The following KLF12 variants were observed in gnomAD, a reference collection of about 807,000 sequenced individuals.
KLF12 encodes Krueppel-like factor 12.
A neutral mutation model predicts 37.8 loss-of-function variants in KLF12; 9 were observed. That is an observed-to-expected ratio of 0.24 (90% CI 0.14 to 0.42). The LOEUF is 0.42. Among genes scored for constraint, KLF12 ranks in the 10% least tolerant of loss-of-function variants. KLF12 has a pLI of 1.00. For synonymous variants in KLF12, 208 were observed against 202.1 expected (o/e 1.03, Z -0.25); for missense variants, 411 against 516.0 (o/e 0.80, Z 1.97).
At chr13:73,780,730 G>A (rs1335231920) in intron 5 of KLF12, among the ~76,000 whole-genome samples, 1 of 152,222 alleles carries the variant, frequency 6.6e-6, no homozygotes, top group Non-Finnish European at 1.5e-5. Flanking sequence ...CCAAAGTGCT[G>A]GGATTACAGG....
chr13:74,118,356 T>C (rs1400001251), intron 1 of KLF12, among the ~76,000 whole-genome samples: 3 of 152,250 alleles, frequency 2.0e-5, no homozygotes, highest in Non-Finnish European at 4.4e-5. Context: ...GTCAACCTTC[T>C]TTAAATAAAA....
intron 7 of KLF12, among the ~76,000 whole-genome samples, chr13:73,713,283 T>C (rs1396859768): frequency 6.6e-6 from 1 of 152,110 alleles, no homozygotes; most frequent in African/African-American, 2.4e-5. Flanking sequence ...CTACTGGACA[T>C]TGTAAGAGAG....
At chr13:74,120,866 C>A (rs911807686) in intron 1 of KLF12, among the ~76,000 whole-genome samples, 1 of 151,230 alleles carries the variant, frequency 6.6e-6, no homozygotes, top group Non-Finnish European at 1.5e-5. Context: ...ACTAAAAATA[C>A]AAAACAAACA....
Position 73,732,752 on chromosome 13 carries a change from T to C in KLF12, c.870-17227A>G, listed in dbSNP as rs75976688. Among the ~76,000 whole-genome samples, 161 of 152,212 alleles carry C rather than the reference T, an allele frequency of 1.1e-3. 1 individual carries two copies. The East Asian group carries it at 0.03, about 28-fold the overall frequency. On this transcript the variant is annotated intron_variant, in intron 6 of 7. Transcript: ENST00000377669. ...CCTTTTTGTATGTCACTCAAATCTATTTCAAACTCTCCCTTCCCTGAGCTC... is the reference window on the plus strand; with the variant it reads ...CCTTTTTGTATGTCACTCAAATCTACTTCAAACTCTCCCTTCCCTGAGCTC...
At chr13:74,215,427 C>CTTTTTTTTTTTT in the KLF12 span, among the ~76,000 whole-genome samples, 2 of 60,382 alleles carry the variant, frequency 3.3e-5, no homozygotes, top group Non-Finnish European at 3.4e-5. Flanking sequence ...CCTCTGGGTT[C>CTTTTTTTTTTTT]TTTTTTTTTT....
At chr13:73,860,513 T>C (rs1470131967) in intron 3 of KLF12, among the ~76,000 whole-genome samples, 1 of 151,920 alleles carries the variant, frequency 6.6e-6, no homozygotes, top group African/African-American at 2.4e-5. Context: ...GACCGAAGGG[T>C]TGCTCGAGCT....
At chr13:74,101,083 A>G (rs1876316435) in intron 1 of KLF12, among the ~76,000 whole-genome samples, 1 of 152,128 alleles carries the variant, frequency 6.6e-6, no homozygotes, top group Non-Finnish European at 1.5e-5. Context: ...ATCTGCATAT[A>G]AGACAACTTT....
At chr13:73,987,411 ATT>A (rs1467352154) in intron 2 of KLF12, among the ~76,000 whole-genome samples, 1 of 152,140 alleles carries the variant, frequency 6.6e-6, no homozygotes, top group Non-Finnish European at 1.5e-5. Context: ...AAGTAAAAAA[ATT>A]TTAACTAAAA....
At chr13:73,909,314 A>G (rs943865927) in intron 3 of KLF12, among the ~76,000 whole-genome samples, 11 of 152,210 alleles carry the variant, frequency 7.2e-5, no homozygotes, top group African/African-American at 2.7e-4. Context: ...TGACTAGTTA[A>G]TAAGTTTTTG....
intron 1 of KLF12, among the ~76,000 whole-genome samples, chr13:74,055,904 G>A (rs1873219812): frequency 6.6e-6 from 1 of 152,160 alleles, no homozygotes; most frequent in Non-Finnish European, 1.5e-5. Context: ...ACAACCCCAA[G>A]AACAGTGGTA....
intron 6 of KLF12, among the ~76,000 whole-genome samples, chr13:73,750,948 C>A (rs183058230): frequency 5.9e-5 from 9 of 152,086 alleles, no homozygotes; most frequent in Non-Finnish European, 1.3e-4. Flanking sequence ...GGGCCTCATA[C>A]GTAGTGTTAA....
chr13:74,216,423 G>A, the KLF12 span, among the ~76,000 whole-genome samples: 17 of 152,244 alleles, frequency 1.1e-4, no homozygotes, highest in African/African-American at 3.8e-4. Flanking sequence ...GGTACAATAA[G>A]AGGAAGGAGA....
the KLF12 span, among the ~76,000 whole-genome samples, chr13:74,248,099 G>A: frequency 6.6e-6 from 1 of 152,172 alleles, no homozygotes; most frequent in Non-Finnish European, 1.5e-5. Flanking sequence ...ATATTGGGGA[G>A]GAGAGCTGGT....
chr13:73,806,774 T>C (rs982856239), intron 5 of KLF12, among the ~76,000 whole-genome samples: 2 of 151,782 alleles, frequency 1.3e-5, no homozygotes, highest in Non-Finnish European at 2.9e-5. Context: ...TAAATGAAAA[T>C]TACATGAGTT....
chr13:73,871,544 T>A (rs1186397958), intron 3 of KLF12, among the ~76,000 whole-genome samples: 1 of 152,152 alleles, frequency 6.6e-6, no homozygotes, highest in Non-Finnish European at 1.5e-5. Context: ...CTGAACACAG[T>A]ACAAACGGAG....
rs565476063 is a variant in KLF12 at position 73,992,526 on chromosome 13, T to C, written c.33+2464A>G. Among the ~76,000 whole-genome samples, 8 of 152,330 alleles carry C rather than the reference T, an allele frequency of 5.3e-5. No individual in the cohort carries two copies. In the East Asian group the frequency reaches 1.5e-3, roughly 29 times the overall value. On this transcript the variant is annotated intron_variant, in intron 2 of 7. Transcript: ENST00000377669. Reference sequence around the variant, plus strand: ...AAGACTGCTCCTGAAAGTAAAACTCTCAGTATGGACACAACAGAAATTTTA... The same window carrying C: ...AAGACTGCTCCTGAAAGTAAAACTCCCAGTATGGACACAACAGAAATTTTA...
At chr13:74,111,851 T>C (rs1721788684) in intron 1 of KLF12, among the ~76,000 whole-genome samples, 2 of 152,220 alleles carry the variant, frequency 1.3e-5, no homozygotes, top group Non-Finnish European at 2.9e-5. Context: ...TTTTTAAAAG[T>C]TCCACTTATA....
the KLF12 span, among the ~76,000 whole-genome samples, chr13:74,144,210 T>A: frequency 6.6e-6 from 1 of 152,332 alleles, no homozygotes; most frequent in African/African-American, 2.4e-5. Context: ...AGGCATCTGA[T>A]GCTTTCAAAT....
intron 1 of KLF12, among the ~76,000 whole-genome samples, chr13:74,019,192 T>C (rs979314312): frequency 3.3e-5 from 5 of 152,178 alleles, no homozygotes; most frequent in African/African-American, 1.2e-4. Context: ...TGTTAACTTA[T>C]TATGTTTTAA....
Sources: gnomAD v4.1 joint callset for allele counts (sites outside exome capture counted in the v4.1 genomes callset) on GRCh38, gnomAD v4.1.1 for gene constraint, MANE v1.5 for transcripts, NCBI Gene and HGNC (gene_info 2026-07-23, HGNC 2026-07-21) for gene names.